SMARCAD1: variants seen among roughly 807,000 people sequenced by gnomAD.
SMARCAD1 encodes SNF2 related chromatin remodeling ATPase with DExD box 1.
In SMARCAD1, 25 loss-of-function variants were observed where a neutral mutation model predicts 127.1. The observed-to-expected ratio is 0.20, with a 90% CI of 0.14 to 0.27. The LOEUF is 0.27. Among genes scored for constraint, SMARCAD1 ranks in the 10% least tolerant of loss-of-function variants. The pLI, the probability that SMARCAD1 is intolerant of heterozygous loss-of-function variation, is 1.00. For missense variants in SMARCAD1, 807 were observed against 1,206.0 expected, an observed-to-expected ratio of 0.67 and a Z score of 4.90; for synonymous variants, 400 against 396.9, an observed-to-expected ratio of 1.01 and a Z score of -0.09.
chr4:94,237,699 T>TA (rs1199038839), intron 5 of SMARCAD1, among the ~76,000 whole-genome samples: 2 of 152,106 alleles, frequency 1.3e-5, no homozygotes, highest in Admixed American at 6.5e-5. Flanking sequence ...TTACATCTTT[T>TA]AAAAAATCAT....
chr4:94,249,888 A>G, intron 7 of SMARCAD1, 133 bp downstream of exon 7: 1 of 645,368 alleles, frequency 1.5e-6, no homozygotes, highest in Non-Finnish European at 2.8e-6. Flanking sequence ...TCCTTTTATC[A>G]ATGTTATAAA....
At chr4:94,261,391 T>A (rs973725049) in intron 9 of SMARCAD1, among the ~76,000 whole-genome samples, 2 of 152,244 alleles carry the variant, frequency 1.3e-5, no homozygotes, top group African/African-American at 4.8e-5. Flanking sequence ...ATCTTTAGAT[T>A]TCTACCGAAT....
intron 2 of SMARCAD1, among the ~76,000 whole-genome samples, chr4:94,210,298 T>A (rs1490741324): frequency 6.6e-6 from 1 of 152,206 alleles, no homozygotes; most frequent in Admixed American, 6.5e-5. Context: ...AATTAATCCT[T>A]GTAGGAATGG....
chr4:94,249,376 CT>C (rs141319595), intron 6 of SMARCAD1, among the ~76,000 whole-genome samples: 20,429 of 151,894 alleles, frequency 0.13, 1,665 homozygotes, highest in Non-Finnish European at 0.18. Flanking sequence ...GAGGATCATT[CT>C]AGTTTTTTAG....
At chr4:94,266,709 G>A (rs999117771) in intron 10 of SMARCAD1, among the ~76,000 whole-genome samples, 1 of 152,108 alleles carries the variant, frequency 6.6e-6, no homozygotes, top group African/African-American at 2.4e-5. Context: ...AGACTATCCT[G>A]ATGAATAACC....
intron 2 of SMARCAD1, among the ~76,000 whole-genome samples, chr4:94,217,651 G>A (rs892645376): frequency 6.6e-6 from 1 of 152,082 alleles, no homozygotes; most frequent in African/African-American, 2.4e-5. Flanking sequence ...TTTCTTTGTG[G>A]CCTAATATTT....
At chr4:94,269,907 A>G (rs1377919242) in intron 10 of SMARCAD1, among the ~76,000 whole-genome samples, 2 of 151,924 alleles carry the variant, frequency 1.3e-5, no homozygotes, top group Admixed American at 6.6e-5. Context: ...TCCTGAGCTC[A>G]AGCAATCTGC....
chr4:94,207,631 C>G (rs1354491345), upstream of SMARCAD1: 1 of 153,406 alleles, frequency 6.5e-6, no homozygotes, highest in Non-Finnish European at 1.5e-5. Flanking sequence ...CTTAAGGTTT[C>G]TCCGTGGTGT....
intron 23 of SMARCAD1, 106 bp from the exon 24 acceptor site, chr4:94,289,367 C>T: frequency 9.6e-7 from 1 of 1,037,756 alleles, no homozygotes; most frequent in South Asian, 1.4e-5. Flanking sequence ...CAAACTAGCC[C>T]TTGAAAGATG....
At chr4:94,261,255 G>A (rs1374866648) in intron 9 of SMARCAD1, among the ~76,000 whole-genome samples, 1 of 151,738 alleles carries the variant, frequency 6.6e-6, no homozygotes, top group African/African-American at 2.4e-5. Flanking sequence ...ATGGTTGTGT[G>A]ACTTACATGT....
At chr4:94,260,878 A>T (rs1423330182) in intron 9 of SMARCAD1, among the ~76,000 whole-genome samples, 5 of 152,164 alleles carry the variant, frequency 3.3e-5, no homozygotes, top group Non-Finnish European at 5.9e-5. Flanking sequence ...AAGGAAGAAA[A>T]TTTTTTTAAT....
At chr4:94,232,931 G>T (rs1746070920) in intron 3 of SMARCAD1, among the ~76,000 whole-genome samples, 1 of 152,170 alleles carries the variant, frequency 6.6e-6, no homozygotes, top group African/African-American at 2.4e-5. Flanking sequence ...CGTGAGCCAA[G>T]ATGGCACCAC....
At chr4:94,220,104 C>G (rs932725542) in intron 2 of SMARCAD1, among the ~76,000 whole-genome samples, 2 of 152,134 alleles carry the variant, frequency 1.3e-5, no homozygotes, top group African/African-American at 4.8e-5. Flanking sequence ...ATCTTTTTAG[C>G]CATTGGCTGT....
chr4:94,282,131 G>A (rs1209233123), intron 21 of SMARCAD1, among the ~76,000 whole-genome samples: 2 of 54,574 alleles, frequency 3.7e-5, no homozygotes, highest in African/African-American at 1.1e-4. Context: ...ACGGAGTCTC[G>A]CTCTGTCGCC....
chr4:94,279,643 G>C (rs1295291933), intron 19 of SMARCAD1, among the ~76,000 whole-genome samples: 1 of 152,128 alleles, frequency 6.6e-6, no homozygotes, highest in South Asian at 2.1e-4. Context: ...TTGAGTACTT[G>C]CCTTACAGGT....
rs541247753 is a variant in SMARCAD1, at chr4:94,265,459, A to G, written c.1481+553A>G. Among the ~76,000 whole-genome samples, 10 of 151,966 alleles carry G rather than the reference A, an allele frequency of 6.6e-5. No homozygotes were observed. In the South Asian group the frequency reaches 1.9e-3, roughly 28 times the overall value. On this transcript the variant is annotated intron_variant, in intron 10 of 23. Coordinates refer to ENST00000354268, the MANE Select transcript of SMARCAD1 (RefSeq NM_020159.5). ...GATTAAATAGATCATATAAGTCTAC[A>G]TATTTCCCCAATTTGCTACTTTCAA... is the stretch of plus-strand genomic sequence containing the variant.
chr4:94,276,542 G>C, intron 15 of SMARCAD1, 68 bp downstream of exon 15: 2 of 1,541,764 alleles, frequency 1.3e-6, no homozygotes, highest in South Asian at 2.3e-5. Context: ...AATATATGTA[G>C]TATTTATTAG....
At chr4:94,270,561 A>G in intron 10 of SMARCAD1, 167 bp from the exon 11 acceptor site, 1 of 582,810 alleles carries the variant, frequency 1.7e-6, no homozygotes, top group Non-Finnish European at 3.1e-6. Flanking sequence ...GATCTGAAAA[A>G]TCATTTATGT....
chr4:94,275,800 T>TATTTTATTTTATTTTTTTA lies in SMARCAD1; in HGVS notation c.1809-539_1809-538insATTTTATTTTATTTTTTTA, dbSNP rs1309423240. On this transcript the variant is annotated intron_variant, in intron 14 of 23. Coordinates refer to ENST00000354268, the MANE Select transcript of SMARCAD1 (RefSeq NM_020159.5). Reference sequence around the variant, plus strand: ...CGATTGTAACATTAACATTTTCTTTTTTTTTTTTTTTTTTGAGACGGAGTC... The same window carrying TATTTTATTTTATTTTTTTA: ...CGATTGTAACATTAACATTTTCTTTTATTTTATTTTATTTTTTTATTTTTTTTTTTTTTGAGACGGAGTC... 4.2e-5 allele frequency among the ~76,000 whole-genome samples: 6 copies of TATTTTATTTTATTTTTTTA among 141,242 alleles called. No individual in the cohort carries two copies. In the East Asian group the frequency reaches 6.7e-4, roughly 16 times the overall value. The allele number at this position is 141,242 out of a possible 152,430, so 92.7% of individuals were successfully genotyped here.
Sources: allele counts gnomAD v4.1 joint callset (sites outside exome capture counted in the v4.1 genomes callset), GRCh38; gene constraint gnomAD v4.1.1; transcripts MANE v1.5; gene names NCBI Gene and HGNC (gene_info 2026-07-23, HGNC 2026-07-21).